Variants in RBMS3 observed in about 807,000 individuals in gnomAD.
RBMS3 encodes the protein RNA-binding motif, single-stranded-interacting protein 3.
RBMS3 carries 27 observed loss-of-function variants against 66.8 expected under a neutral mutation model. The observed-to-expected ratio is 0.40, with a 90% CI of 0.30 to 0.56. The LOEUF (loss-of-function observed/expected upper bound fraction) is 0.56. Among genes scored for constraint, RBMS3 ranks in the 20% least tolerant of loss-of-function variants. RBMS3 has a pLI of 0.40. For synonymous variants in RBMS3, 188 were observed against 183.0 expected (o/e 1.03, Z -0.22); for missense variants, 513 against 549.5 (o/e 0.93, Z 0.66).
Position 29,378,206 on chromosome 3 carries a change from C to T in RBMS3, c.76-56537C>T, listed in dbSNP as rs571522350. On this transcript the variant is annotated intron_variant, in intron 1 of 14. Coordinates refer to ENST00000383767, the MANE Select transcript of RBMS3 (RefSeq NM_001003793.3). ...GTCTATTTCAGGCCGGGCACGGTGG[C>T]TCACGCCTGTAATCCCAGCACTTTG... Among the ~76,000 whole-genome samples, 10 of 152,270 alleles carry T rather than the reference C, an allele frequency of 6.6e-5. No individual in the cohort carries two copies. In the East Asian group the frequency reaches 1.9e-3, roughly 29 times the overall value.
chr3:29,515,807 G>A (rs2044598582), intron 3 of RBMS3, among the ~76,000 whole-genome samples: 1 of 152,176 alleles, frequency 6.6e-6, no homozygotes, highest in Admixed American at 6.6e-5. Flanking sequence ...AGGCTAAAGG[G>A]CAAAAGACAA....
chr3:29,608,799 T>C (rs746016967), intron 4 of RBMS3, among the ~76,000 whole-genome samples: 43 of 152,146 alleles, frequency 2.8e-4, no homozygotes, highest in Non-Finnish European at 1.8e-4. Flanking sequence ...CCTGAGTGAA[T>C]GCAGAAACTG....
At chr3:29,551,427 T>C (rs1159914307) in intron 3 of RBMS3, among the ~76,000 whole-genome samples, 1 of 152,230 alleles carries the variant, frequency 6.6e-6, no homozygotes, top group Admixed American at 6.5e-5. Flanking sequence ...TATTCGCTTA[T>C]GCTTTCATCC....
chr3:29,386,092 T>C (rs2038997389), intron 1 of RBMS3, among the ~76,000 whole-genome samples: 1 of 152,144 alleles, frequency 6.6e-6, no homozygotes, highest in Non-Finnish European at 1.5e-5. Context: ...CTTCTTTCTT[T>C]AAATGACTCT....
intron 4 of RBMS3, among the ~76,000 whole-genome samples, chr3:29,666,971 G>A (rs540167769): frequency 2.2e-4 from 33 of 152,076 alleles, no homozygotes; most frequent in South Asian, 1.2e-3. Flanking sequence ...CAAATAGGGC[G>A]AAAAAGAATA....
chr3:29,721,731 T>A (rs2067963182), intron 4 of RBMS3, among the ~76,000 whole-genome samples: 2 of 152,156 alleles, frequency 1.3e-5, no homozygotes, highest in African/African-American at 4.8e-5. Flanking sequence ...TAGGCAACAT[T>A]ATGAGAAGAA....
intron 12 of RBMS3, among the ~76,000 whole-genome samples, chr3:29,966,450 TA>T (rs964536882): frequency 3.9e-5 from 6 of 152,186 alleles, no homozygotes; most frequent in African/African-American, 1.4e-4. Context: ...TATTCCTAAG[TA>T]TTTTTTTTCA....
intron 4 of RBMS3, among the ~76,000 whole-genome samples, chr3:29,688,442 C>T (rs2051829927): frequency 6.6e-6 from 1 of 152,058 alleles, no homozygotes; most frequent in Non-Finnish European, 1.5e-5. Flanking sequence ...ACACTCTCAT[C>T]ATCCACATCT....
At chr3:29,305,271 T>C (rs958459842) in intron 1 of RBMS3, among the ~76,000 whole-genome samples, 2 of 152,022 alleles carry the variant, frequency 1.3e-5, no homozygotes. Flanking sequence ...CAATGCAATT[T>C]CCTATTGTTA....
intron 4 of RBMS3, among the ~76,000 whole-genome samples, chr3:29,649,761 T>C (rs1190156343): frequency 1.3e-5 from 2 of 152,200 alleles, no homozygotes; most frequent in Non-Finnish European, 2.9e-5. Flanking sequence ...CATGAAAACA[T>C]TTTTACTATC....
chr3:29,938,627 T>C (rs946636267), intron 11 of RBMS3, among the ~76,000 whole-genome samples: 14 of 151,962 alleles, frequency 9.2e-5, no homozygotes, highest in African/African-American at 3.4e-4. Context: ...ATAGATTCAT[T>C]TTATCTGAAT....
chr3:29,977,426 T>C (rs1697666851), intron 12 of RBMS3, among the ~76,000 whole-genome samples: 1 of 152,126 alleles, frequency 6.6e-6, no homozygotes, highest in African/African-American at 2.4e-5. Context: ...GGGTTTTCTT[T>C]GTTTGTTTCC....
intron 3 of RBMS3, among the ~76,000 whole-genome samples, chr3:29,560,648 G>C (rs1474259907): frequency 6.6e-6 from 1 of 152,252 alleles, no homozygotes; most frequent in African/African-American, 2.4e-5. Flanking sequence ...TGGAATTAAA[G>C]AATGTTGTGA....
intron 1 of RBMS3, among the ~76,000 whole-genome samples, chr3:29,335,273 A>T (rs1015162941): frequency 6.6e-6 from 1 of 152,168 alleles, no homozygotes; most frequent in Non-Finnish European, 1.5e-5. Flanking sequence ...ATCTCCAATG[A>T]TAATGCGTAC....
chr3:29,457,238 C>T (rs2125772467), intron 2 of RBMS3, among the ~76,000 whole-genome samples: 1 of 152,320 alleles, frequency 6.6e-6, no homozygotes, highest in South Asian at 2.1e-4. Flanking sequence ...CGAGTTTGTT[C>T]ATCCCTTTCT....
At chr3:29,522,472 G>A (rs147422887) in intron 3 of RBMS3, among the ~76,000 whole-genome samples, 1 of 152,106 alleles carries the variant, frequency 6.6e-6, no homozygotes, top group Non-Finnish European at 1.5e-5. Flanking sequence ...GGTATTACAG[G>A]CATGAGCCAC....
At chr3:29,720,894 G>A (rs2053615866) in intron 4 of RBMS3, among the ~76,000 whole-genome samples, 1 of 152,136 alleles carries the variant, frequency 6.6e-6, no homozygotes, top group Non-Finnish European at 1.5e-5. Context: ...AAAGAGAAAA[G>A]ACGCTGACTA....
intron 2 of RBMS3, among the ~76,000 whole-genome samples, chr3:29,453,311 G>A (rs758537612): frequency 9.2e-5 from 14 of 152,212 alleles, no homozygotes; most frequent in Admixed American, 4.6e-4. Context: ...AGATACCACT[G>A]GATTGGATTT....
chr3:29,363,420 T>A (rs2037716556), intron 1 of RBMS3, among the ~76,000 whole-genome samples: 1 of 152,054 alleles, frequency 6.6e-6, no homozygotes, highest in East Asian at 1.9e-4. Flanking sequence ...CATCAAAATG[T>A]GAAAAGGATG....
Sources: allele counts gnomAD v4.1 joint callset (sites outside exome capture counted in the v4.1 genomes callset), GRCh38; gene constraint gnomAD v4.1.1; transcripts MANE v1.5; gene names NCBI Gene and HGNC (gene_info 2026-07-23, HGNC 2026-07-21).